Variants in MACF1 observed in about 807,000 individuals in gnomAD.
MACF1 encodes microtubule-actin cross-linking factor 1.
In MACF1, 193 loss-of-function variants were observed where a neutral mutation model predicts 854.8. That is an observed-to-expected ratio of 0.23 (90% CI 0.20 to 0.25). The LOEUF (loss-of-function observed/expected upper bound fraction) is 0.25. Among genes scored for constraint, MACF1 ranks in the 10% least tolerant of loss-of-function variants. The pLI is 1.00. For missense variants in MACF1, 7,722 were observed against 8,929.1 expected, an observed-to-expected ratio of 0.86 and a Z score of 5.45; for synonymous variants, 3,185 against 3,226.7, an observed-to-expected ratio of 0.99 and a Z score of 0.44.
In MACF1 at chr1:39,412,503, G is replaced by A. The variant is rs376854788; in HGVS notation, c.15817-9871G>A. ...ATTTCCACAGAAACTTCCCAGAGCA[G>A]GTCTTCCAGGATCTCCAGAGGAAGT... On this transcript the variant is annotated intron_variant, in intron 58 of 100. Transcript: ENST00000564288. 55 of 1,614,018 alleles carry A rather than the reference G, an allele frequency of 3.4e-5. No individual in the cohort carries two copies. In the African/African-American group the frequency reaches 6.9e-4, roughly 20 times the overall value.
intron 6 of MACF1, among the ~76,000 whole-genome samples, chr1:39,265,429 A>G (rs759027570): frequency 2.6e-5 from 4 of 152,188 alleles, no homozygotes; most frequent in Non-Finnish European, 5.9e-5. Context: ...AGACCAGGTT[A>G]GATGAGAAAA....
rs150465013 is a variant in MACF1 at position 39,287,355 on chromosome 1, T to C, written c.1578T>C (p.His526=). 6 of 1,614,076 alleles carry C rather than the reference T, an allele frequency of 3.7e-6. No homozygotes were observed. The highest frequency in any genetic ancestry group is 1.6e-4 in the Middle Eastern group (1 of 6,084). The change falls in exon 15 of 101, where the codon CAT becomes CAC. Residue 526 remains histidine (H), a synonymous_variant. Transcript: ENST00000564288. ...LECTNLYRKG[H]FTSLELVPPS... ...GTACAAACCTGTACCGGAAGGGTCA[T>C]TTCACTTCACTTGAATTGGTTCCAC...
At chr1:39,414,752 A>G (rs535036790) in intron 58 of MACF1, among the ~76,000 whole-genome samples, 1 of 152,342 alleles carries the variant, frequency 6.6e-6, no homozygotes, top group Admixed American at 6.5e-5. Flanking sequence ...ACATTTTTAA[A>G]AAGATTATTA....
chr1:39,333,634 T>C lies in MACF1; in HGVS notation c.7046T>C (p.Val2349Ala). ...QTCESLTTEE[V>A]INEGLMDEKL... is the part of the protein sequence containing the mutation. ...TGTGAGTCTTTGACAACTGAAGAAG[T>C]CATTAATGAAGGTCTGATGGATGAG... The change falls in exon 37 of 101, where the codon GTC becomes GCC. Residue 2349 changes from valine to alanine, a missense_variant. Physicochemically the swap from Val to Ala is moderately conservative, Grantham distance 64 (BLOSUM62 0). Coordinates refer to ENST00000564288, the MANE Select transcript of MACF1 (RefSeq NM_001394062.1). The C allele has an allele frequency of 2.5e-6, 4 of 1,614,182 alleles. No individual in the cohort carries two copies. Among genetic ancestry groups the C allele is most frequent in the Non-Finnish European group, 3.4e-6 (4 of 1,180,036 alleles).
Position 39,428,040 on chromosome 1 carries a change from C to T in MACF1, c.16556C>T (p.Thr5519Ile), listed in dbSNP as rs183587769. Residue 5519 changes from threonine to isoleucine, a missense_variant, in exon 63 of 101, where the codon ACA becomes ATA. Thr to Ile is a moderately conservative substitution (Grantham distance 89, BLOSUM62 -1). Coordinates refer to ENST00000564288, the MANE Select transcript of MACF1 (RefSeq NM_001394062.1). ...VKIGQSLSSL[T>I]SPAEQGVLSE... Reference sequence around the variant, plus strand: ...ATTGGGCAGTCCCTCTCCTCCCTGACATCTCCTGCAGAACAGGGTGTGCTG... The same window carrying T: ...ATTGGGCAGTCCCTCTCCTCCCTGATATCTCCTGCAGAACAGGGTGTGCTG... The T allele has an allele frequency of 6.2e-7, 1 of 1,614,232 alleles. No individual in the cohort carries two copies. The highest frequency in any genetic ancestry group is 2.2e-5 in the East Asian group (1 of 44,886).
At chr1:39,459,383 G>A in intron 91 of MACF1, 134 bp downstream of exon 91, 1 of 927,054 alleles carries the variant, frequency 1.1e-6, no homozygotes, top group Non-Finnish European at 1.6e-6. Flanking sequence ...CCTATACCAA[G>A]CCAGTACTCA....
Position 39,161,557 on chromosome 1 carries a change from C to CA in MACF1, c.221-69618dup, listed in dbSNP as rs904603465. Among the ~76,000 whole-genome samples the CA allele has an allele frequency of 5.3e-5, 8 of 151,788 alleles. No homozygotes were observed. In the South Asian group the frequency reaches 1.0e-3, roughly 20 times the overall value. On this transcript the variant is annotated intron_variant, in intron 2 of 93. Coordinates refer to the MACF1 transcript ENST00000361689. ...CTGTCTCTAAAAACAAGCAAACAAA[C>CA]AAAAAAACAATACAAAAACTAGCCG...
At chr1:39,085,955 C>T (rs1641664766) in intron 2 of MACF1, among the ~76,000 whole-genome samples, 1 of 152,186 alleles carries the variant, frequency 6.6e-6, no homozygotes, top group African/African-American at 2.4e-5. Context: ...GTGCCGCCTC[C>T]TCTGTCCTTA....
Position 39,291,793 on chromosome 1 carries a change from T to C in MACF1, c.1786-117T>C, listed in dbSNP as rs920938209. On this transcript the variant is annotated intron_variant, in intron 15 of 100. Transcript: ENST00000564288. The stretch of plus-strand genomic sequence containing the variant: ...AGGCTGTAGATTGAAGGAGATGGCC[T>C]GGATGTCCTTTTGCTCAGTCCTCTA... The C allele has an allele frequency of 1.0e-5, 10 of 981,486 alleles. No individual in the cohort carries two copies. The African/African-American group carries it at 1.6e-4, about 16-fold the overall frequency. The allele number at this position is 981,486 out of a possible 1,614,324, so 60.8% of individuals were successfully genotyped here. A position where few individuals can be genotyped will look rare whatever the true frequency, so the allele number is the denominator to read the frequency against.
chr1:39,372,139 T>C (rs952934216), intron 51 of MACF1, among the ~76,000 whole-genome samples: 1 of 152,112 alleles, frequency 6.6e-6, no homozygotes, highest in Non-Finnish European at 1.5e-5. Context: ...TTCAGAGCTT[T>C]CCTTCCTCTA....
At chr1:39,094,243 G>A (rs1465896499) in intron 2 of MACF1, among the ~76,000 whole-genome samples, 1 of 151,932 alleles carries the variant, frequency 6.6e-6, no homozygotes, top group Non-Finnish European at 1.5e-5. Context: ...CCAGGAGTTC[G>A]AGACCAGCCT....
intron 40 of MACF1, among the ~76,000 whole-genome samples, chr1:39,345,783 T>G (rs183822458): frequency 6.6e-6 from 1 of 152,266 alleles, no homozygotes; most frequent in East Asian, 1.9e-4. Context: ...TTTAAAAGAT[T>G]GATGGCCGGG....
At chr1:39,310,187 A>C in intron 24 of MACF1, 58 bp from the exon 25 acceptor site, 1 of 1,380,544 alleles carries the variant, frequency 7.2e-7, no homozygotes, top group Non-Finnish European at 9.9e-7. Flanking sequence ...AAATGGAGGA[A>C]AAGAGGAAGT....
rs1646535097 is a variant in MACF1 at position 39,322,620 on chromosome 1, C to G, written c.4042C>G (p.Gln1348Glu). The change falls in exon 32 of 101, where the codon CAA becomes GAA. Residue 1348 changes from glutamine (Q) to glutamate (E), a missense_variant. Physicochemically the swap from Gln to Glu is conservative, Grantham distance 29. This residue lies in a region of MACF1 where 1,137 missense variants were observed against 1,263.0 expected (regional missense o/e 0.90). Coordinates refer to ENST00000564288, the MANE Select transcript of MACF1 (RefSeq NM_001394062.1). ...CATCCTTTCCTAGGACTATGAATTG[C>G]AACTGATGACATACAAGGCCTTTGT... The part of the protein sequence containing the change: ...YSTIVKDYEL[Q>E]LMTYKAFVES... 2 of 1,613,750 alleles carry G rather than the reference C, an allele frequency of 1.2e-6. No individual in the cohort carries two copies. Among genetic ancestry groups the G allele is most frequent in the Non-Finnish European group, 1.7e-6 (2 of 1,179,682 alleles).
rs1362346098 is a variant in MACF1 at position 39,485,941 on chromosome 1, G to A, written c.*147G>A. Reference sequence around the variant, plus strand: ...AAGCTGCCTTATTTTTTTTCTTTTTGTAAGTTACTATTTTCATGTGAATAT... The same window carrying A: ...AAGCTGCCTTATTTTTTTTCTTTTTATAAGTTACTATTTTCATGTGAATAT... On this transcript the variant is annotated 3_prime_UTR_variant, in exon 101 of 101. Coordinates refer to ENST00000564288, the MANE Select transcript of MACF1 (RefSeq NM_001394062.1). 1 of 904,466 alleles carries A rather than the reference G, an allele frequency of 1.1e-6. No homozygotes were observed. Among genetic ancestry groups the A allele is most frequent in the Non-Finnish European group, 1.5e-6 (1 of 676,534 alleles). 56.0% of individuals were successfully genotyped at this position (904,466 alleles called of 1,614,324 possible).
Position 39,331,741 on chromosome 1 carries a change from T to C in MACF1, c.5153T>C (p.Ile1718Thr), listed in dbSNP as rs1646729440. 4 of 1,614,162 alleles carry C rather than the reference T, an allele frequency of 2.5e-6. No individual in the cohort carries two copies. Among genetic ancestry groups the C allele is most frequent in the Non-Finnish European group, 3.4e-6 (4 of 1,180,040 alleles). ...TTGCTGGATCTGATGCAGCGATGTA[T>C]TGTCCACCAGGAATCAGGATTCAAA... ...IGLLDLMQRC[I>T]VHQESGFKLL... The change falls in exon 37 of 101, where the codon ATT becomes ACT. Residue 1718 changes from isoleucine (I) to threonine (T), a missense_variant. Ile to Thr is a moderately conservative substitution (Grantham distance 89, BLOSUM62 -1). Transcript: ENST00000564288.
intron 69 of MACF1, among the ~76,000 whole-genome samples, chr1:39,434,937 G>A (rs993504776): frequency 3.3e-5 from 5 of 152,160 alleles, no homozygotes; most frequent in African/African-American, 4.8e-5. Context: ...TACACTCAAG[G>A]TATGGTTGGA....
At chr1:39,320,153 G>GT (rs1646487045) in intron 31 of MACF1, among the ~76,000 whole-genome samples, 1 of 152,036 alleles carries the variant, frequency 6.6e-6, no homozygotes, top group East Asian at 1.9e-4. Flanking sequence ...TATATTCTCC[G>GT]TTGGCTCTTG....
At chr1:39,405,958 G>C (rs1317850197) in intron 58 of MACF1, among the ~76,000 whole-genome samples, 2 of 152,258 alleles carry the variant, frequency 1.3e-5, no homozygotes, top group African/African-American at 4.8e-5. Flanking sequence ...CCCTGAGATG[G>C]CTATTGGCAG....
Sources: gnomAD v4.1 joint callset for allele counts (sites outside exome capture counted in the v4.1 genomes callset) on GRCh38, gnomAD v4.1.1 for gene constraint, gnomAD v4.1.1 regional missense constraint, MANE v1.5 for transcripts, NCBI Gene and HGNC (gene_info 2026-07-23, HGNC 2026-07-21) for gene names.